CSMD1: variants seen among roughly 807,000 people sequenced by gnomAD.
The protein encoded by CSMD1 is CUB and Sushi multiple domains 1, also known as CUB and sushi domain-containing protein 1.
Under a neutral mutation model 417.5 loss-of-function variants are expected in CSMD1, and 213 were observed. The observed-to-expected ratio is 0.51, with a 90% CI of 0.46 to 0.57. The LOEUF is 0.57. CSMD1 is among the 20% of genes least tolerant of loss of function. The probability of loss-of-function intolerance (pLI) is 0.00; values close to 1 mark genes in which losing one functional copy is unlikely to be tolerated. For synonymous variants in CSMD1, 2,862 were observed against 1,736.8 expected (o/e 1.65, Z -16.11); for missense variants, 6,923 against 4,529.7 (o/e 1.53, Z -15.17).
At chr8:4,112,162 G>C (rs1373348284) in intron 3 of CSMD1, among the ~76,000 whole-genome samples, 1 of 152,166 alleles carries the variant, frequency 6.6e-6, no homozygotes, top group Non-Finnish European at 1.5e-5. Context: ...GCTTAAAAGA[G>C]CTGGGCAGTC....
chr8:2,941,256 C>A (rs1265000243), intron 69 of CSMD1, among the ~76,000 whole-genome samples: 1 of 152,100 alleles, frequency 6.6e-6, no homozygotes, highest in Non-Finnish European at 1.5e-5. Flanking sequence ...ACCTTTGAAG[C>A]AACATTTTCT....
chr8:4,910,078 C>A (rs1464831217), intron 1 of CSMD1, among the ~76,000 whole-genome samples: 2 of 152,178 alleles, frequency 1.3e-5, no homozygotes, highest in African/African-American at 4.8e-5. Context: ...CTCACAAAAC[C>A]AGACTTTACT....
chr8:4,013,595 A>G (rs537134453), intron 4 of CSMD1, among the ~76,000 whole-genome samples: 4 of 152,312 alleles, frequency 2.6e-5, no homozygotes, highest in East Asian at 1.9e-4. Flanking sequence ...ACAGGACAGC[A>G]AAGTTTATCT....
intron 26 of CSMD1, among the ~76,000 whole-genome samples, chr8:3,270,528 A>T (rs780879590): frequency 6.6e-6 from 1 of 152,220 alleles, no homozygotes; most frequent in Non-Finnish European, 1.5e-5. Flanking sequence ...TCCAACTGGT[A>T]TCAAAATTTT....
At chr8:3,571,451 T>C (rs76793953) in intron 10 of CSMD1, among the ~76,000 whole-genome samples, 13 of 152,308 alleles carry the variant, frequency 8.5e-5, no homozygotes, top group East Asian at 5.8e-4. Flanking sequence ...AGTAGAGGCA[T>C]TGTTAGTAAC....
intron 3 of CSMD1, among the ~76,000 whole-genome samples, chr8:4,182,748 T>G (rs1798448733): frequency 6.6e-6 from 1 of 152,154 alleles, no homozygotes; most frequent in African/African-American, 2.4e-5. Flanking sequence ...GAACATCATT[T>G]TTTTTTCTCA....
chr8:4,478,260 A>C (rs555521705), intron 2 of CSMD1, among the ~76,000 whole-genome samples: 195 of 152,308 alleles, frequency 1.3e-3, no homozygotes, highest in South Asian at 4.1e-3. Flanking sequence ...CTTATTTCCC[A>C]ATTTGCTCCT....
intron 41 of CSMD1, chr8:3,128,371 AT>A (rs918766327): frequency 2.0e-5 from 3 of 153,226 alleles, no homozygotes; most frequent in African/African-American, 7.2e-5. Context: ...TTAATAAGTC[AT>A]TTAACTTCAA....
At chr8:3,014,970 A>G (rs1334114735) in intron 52 of CSMD1, among the ~76,000 whole-genome samples, 1 of 149,382 alleles carries the variant, frequency 6.7e-6, no homozygotes, top group Non-Finnish European at 1.5e-5. Flanking sequence ...TCCATAATAA[A>G]GCTTCTTCAT....
intron 5 of CSMD1, among the ~76,000 whole-genome samples, chr8:3,910,309 C>G (rs1043926424): frequency 6.6e-6 from 1 of 152,128 alleles, no homozygotes; most frequent in African/African-American, 2.4e-5. Context: ...TGATGGAATT[C>G]AGAGCATGCC....
At chr8:4,098,147 T>C (rs1563120873) in intron 3 of CSMD1, among the ~76,000 whole-genome samples, 1 of 152,192 alleles carries the variant, frequency 6.6e-6, no homozygotes, top group Admixed American at 6.5e-5. Flanking sequence ...ATAAAACCCT[T>C]GTAAATTAGA....
intron 1 of CSMD1, among the ~76,000 whole-genome samples, chr8:4,717,998 G>A (rs1018093223): frequency 1.3e-5 from 2 of 152,100 alleles, no homozygotes; most frequent in Admixed American, 1.3e-4. Flanking sequence ...TTTGTTTTGA[G>A]ACTGGGTCTT....
chr8:3,827,731 T>C lies in CSMD1; in HGVS notation c.819-73689A>G, dbSNP rs115885849. On this transcript the variant is annotated intron_variant, in intron 5 of 69. Coordinates refer to ENST00000635120, the MANE Select transcript of CSMD1 (RefSeq NM_033225.6). ...TCAGGATTTATTCCATCCACCTCATTGTACTTCTTCACTATACGATAATGA... is the reference window on the plus strand; with the variant it reads ...TCAGGATTTATTCCATCCACCTCATCGTACTTCTTCACTATACGATAATGA... Among the ~76,000 whole-genome samples, 1,042 of 152,340 alleles carry C rather than the reference T, an allele frequency of 6.8e-3. 15 individuals carry two copies. The highest frequency in any genetic ancestry group is 0.023 in the African/African-American group (941 of 41,574).
chr8:4,027,109 G>A (rs1442255963), intron 4 of CSMD1, among the ~76,000 whole-genome samples: 1 of 152,158 alleles, frequency 6.6e-6, no homozygotes, highest in East Asian at 1.9e-4. Context: ...ACAGCTTTGT[G>A]GAGCAAAAAG....
chr8:4,349,492 A>G (rs1447474088), intron 3 of CSMD1, among the ~76,000 whole-genome samples: 1 of 152,182 alleles, frequency 6.6e-6, no homozygotes, highest in African/African-American at 2.4e-5. Flanking sequence ...GGAGAGCTCT[A>G]TCTAGAATCT....
At chr8:4,657,944 T>C (rs1804348459) in intron 1 of CSMD1, among the ~76,000 whole-genome samples, 1 of 151,756 alleles carries the variant, frequency 6.6e-6, no homozygotes, top group South Asian at 2.1e-4. Context: ...TAACTGATGC[T>C]ATAAACTCAT....
At chr8:3,284,717 T>A (rs1037244941) in intron 25 of CSMD1, 1 of 222,910 alleles carries the variant, frequency 4.5e-6, no homozygotes, top group Non-Finnish European at 9.1e-6. Context: ...TTGAAGCAGA[T>A]GGAAGGCAGC....
intron 2 of CSMD1, among the ~76,000 whole-genome samples, chr8:4,496,542 C>G (rs1361310728): frequency 6.6e-6 from 1 of 152,130 alleles, no homozygotes; most frequent in Non-Finnish European, 1.5e-5. Flanking sequence ...GCTGAATGAC[C>G]TCTGTTTTGA....
At chr8:4,615,125 G>C (rs536525195) in intron 2 of CSMD1, among the ~76,000 whole-genome samples, 1 of 152,256 alleles carries the variant, frequency 6.6e-6, no homozygotes, top group South Asian at 2.1e-4. Flanking sequence ...CACAAAATAA[G>C]TGGGGCACAA....
Sources: allele counts gnomAD v4.1 joint callset (sites outside exome capture counted in the v4.1 genomes callset), GRCh38; gene constraint gnomAD v4.1.1; transcripts MANE v1.5; gene names NCBI Gene and HGNC (gene_info 2026-07-23, HGNC 2026-07-21).